NAALADL2: variants seen among roughly 807,000 people sequenced by gnomAD.
The protein encoded by NAALADL2 is inactive N-acetylated-alpha-linked acidic dipeptidase-like protein 2.
A neutral mutation model predicts 87.2 loss-of-function variants in NAALADL2; 76 were observed. The observed-to-expected ratio is 0.87, with a 90% CI of 0.72 to 1.05. The LOEUF is 1.05. Among genes scored for constraint, NAALADL2 ranks in the 50% least tolerant of loss-of-function variants. The probability of loss-of-function intolerance (pLI) is 0.00; values close to 1 mark genes in which losing one functional copy is unlikely to be tolerated. For synonymous variants in NAALADL2, 354 were observed against 331.0 expected (o/e 1.07, Z -0.75); for missense variants, 1,089 against 945.8 (o/e 1.15, Z -1.99).
At chr3:175,336,459 GC>G (rs1761978866) in intron 5 of NAALADL2, among the ~76,000 whole-genome samples, 1 of 152,164 alleles carries the variant, frequency 6.6e-6, no homozygotes, top group South Asian at 2.1e-4. Context: ...CCAGTTTTAT[GC>G]CCCAACATAG....
chr3:174,829,774 C>T (rs1450332192), intron 3 of NAALADL2, among the ~76,000 whole-genome samples: 1 of 139,988 alleles, frequency 7.1e-6, no homozygotes, highest in African/African-American at 2.7e-5. Flanking sequence ...CTCTCCAGCA[C>T]CTGTTGTTTC....
intron 9 of NAALADL2, among the ~76,000 whole-genome samples, chr3:175,553,710 C>T (rs1345110036): frequency 6.6e-6 from 1 of 150,446 alleles, no homozygotes; most frequent in Non-Finnish European, 1.5e-5. Flanking sequence ...AGTATTATAG[C>T]CACCAAATTA....
intron 3 of NAALADL2, among the ~76,000 whole-genome samples, chr3:174,781,622 A>G (rs2109150449): frequency 6.6e-6 from 1 of 152,160 alleles, no homozygotes; most frequent in Non-Finnish European, 1.5e-5. Flanking sequence ...ATGGATAGTG[A>G]TAGAGAGGGA....
intron 2 of NAALADL2, among the ~76,000 whole-genome samples, chr3:175,104,042 GGTTT>G (rs1176797891): frequency 6.6e-6 from 1 of 152,020 alleles, no homozygotes; most frequent in Non-Finnish European, 1.5e-5. Context: ...TCAGACATTA[GGTTT>G]GTTTACTTGT....
At chr3:175,693,613 G>A (rs941784911) in intron 11 of NAALADL2, among the ~76,000 whole-genome samples, 2 of 152,034 alleles carry the variant, frequency 1.3e-5, no homozygotes, top group Non-Finnish European at 2.9e-5. Context: ...TCTTATCATA[G>A]GTAGCTCCAT....
intron 2 of NAALADL2, among the ~76,000 whole-genome samples, chr3:175,186,459 A>G (rs540625706): frequency 5.3e-5 from 8 of 152,130 alleles, no homozygotes; most frequent in Non-Finnish European, 8.8e-5. Context: ...TAAAACATCT[A>G]ATTTTAAAAC....
chr3:175,390,910 AC>A (rs1346077518), intron 5 of NAALADL2, among the ~76,000 whole-genome samples: 2 of 152,104 alleles, frequency 1.3e-5, no homozygotes, highest in African/African-American at 4.8e-5. Context: ...ACTAAGTAGC[AC>A]CTTTATCAGC....
intron 13 of NAALADL2, among the ~76,000 whole-genome samples, chr3:175,788,885 T>A (rs919595176): frequency 6.6e-6 from 1 of 152,178 alleles, no homozygotes; most frequent in Non-Finnish European, 1.5e-5. Flanking sequence ...AAATTTTTAT[T>A]AGCATATCAT....
At chr3:174,989,138 C>T (rs1377851501) in intron 1 of NAALADL2, among the ~76,000 whole-genome samples, 1 of 152,158 alleles carries the variant, frequency 6.6e-6, no homozygotes, top group Non-Finnish European at 1.5e-5. Flanking sequence ...TCACTCATGA[C>T]CGTGAGGACA....
chr3:175,558,243 T>A (rs1715666858), intron 9 of NAALADL2, among the ~76,000 whole-genome samples: 1 of 149,194 alleles, frequency 6.7e-6, no homozygotes, highest in Non-Finnish European at 1.5e-5. Flanking sequence ...AAATGTCTAA[T>A]CAGGTCTTTT....
chr3:175,704,323 A>G (rs1311582352), intron 11 of NAALADL2, among the ~76,000 whole-genome samples: 13 of 152,190 alleles, frequency 8.5e-5, no homozygotes, highest in Non-Finnish European at 1.8e-4. Context: ...CCTGGAATAT[A>G]TAATCTGTAA....
rs1737308800 is a variant in NAALADL2, at chr3:175,186,188, G to A, written c.546-47743G>A. 4.6e-5 allele frequency among the ~76,000 whole-genome samples: 7 copies of A among 152,104 alleles called. No homozygotes were observed. In the South Asian group the frequency reaches 1.5e-3, roughly 32 times the overall value. On this transcript the variant is annotated intron_variant, in intron 2 of 13. Transcript: ENST00000454872. ...AGAGATGAACTCAGGGAACTAAAAG[G>A]AAGAAAATTGCCTTATTTGTAGTGT...
intron 2 of NAALADL2, among the ~76,000 whole-genome samples, chr3:175,134,217 C>A (rs1200554472): frequency 6.6e-6 from 1 of 152,174 alleles, no homozygotes; most frequent in Non-Finnish European, 1.5e-5. Context: ...TGTGAGATAT[C>A]AGTAAAGAAA....
chr3:174,897,884 C>T lies in NAALADL2; in HGVS notation c.43+38434C>T, dbSNP rs541547684. Among the ~76,000 whole-genome samples, 5 of 137,658 alleles carry T rather than the reference C, an allele frequency of 3.6e-5. No individual in the cohort carries two copies. The East Asian group carries it at 7.8e-4, about 22-fold the overall frequency. 90.3% of individuals were successfully genotyped at this position (137,658 alleles called of 152,430 possible). ...ATCCCAGCACTTTGGGAGGCCGAGG[C>T]GGGCGGATCACGAGGTCAGGAGATC... On this transcript the variant is annotated intron_variant, in intron 1 of 13. Transcript: ENST00000454872.
In NAALADL2 at chr3:175,805,172, C is replaced by T. The variant is rs765744856; in HGVS notation, c.*1969C>T. On this transcript the variant is annotated 3_prime_UTR_variant, in exon 14 of 14. Transcript: ENST00000454872. ...TCCAGTTATTCACTTACAGATGAAA[C>T]TAAAACAAATAAAGGCAAGCTATTA... 1.3e-5 allele frequency: 2 copies of T among 151,794 alleles called. No homozygotes were observed. Among genetic ancestry groups the T allele is most frequent in the Non-Finnish European group, 2.9e-5 (2 of 67,842 alleles). 9.4% of individuals were successfully genotyped at this position (151,794 alleles called of 1,614,324 possible).
rs1750003190 is a variant in NAALADL2, at chr3:175,256,674, AGT to A, written c.939+147_939+148del. The A allele has an allele frequency of 1.8e-5, 11 of 621,974 alleles. No individual in the cohort carries two copies. The Admixed American group carries it at 3.3e-4, about 19-fold the overall frequency. 38.5% of individuals were successfully genotyped at this position (621,974 alleles called of 1,614,324 possible). A position where few individuals can be genotyped will look rare whatever the true frequency, so the allele number is the denominator to read the frequency against. ...GGGAGAGGAAGAAAGAGAGGCAGAG[AGT>A]GTCACAGAAAGATGGCTTTTCCACA... On this transcript the variant is annotated intron_variant, in intron 4 of 13. Coordinates refer to ENST00000454872, the MANE Select transcript of NAALADL2 (RefSeq NM_207015.3).
At chr3:175,541,994 A>C in intron 9 of NAALADL2, among the ~76,000 whole-genome samples, 1 of 152,134 alleles carries the variant, frequency 6.6e-6, no homozygotes, top group East Asian at 1.9e-4. Context: ...GTTAATTGTA[A>C]GTGTGAGCCA....
intron 10 of NAALADL2, among the ~76,000 whole-genome samples, chr3:175,598,640 A>G (rs1722560648): frequency 6.6e-6 from 1 of 152,116 alleles, no homozygotes; most frequent in African/African-American, 2.4e-5. Flanking sequence ...TTTCCCCGCT[A>G]TCTCATAGGT....
Position 175,329,582 on chromosome 3 carries a change from A to G in NAALADL2, c.1090+5257A>G, listed in dbSNP as rs373973061. On this transcript the variant is annotated intron_variant, in intron 5 of 13. Coordinates refer to ENST00000454872, the MANE Select transcript of NAALADL2 (RefSeq NM_207015.3). ...AAATATAAATATGTGCCTAGTTGTC[A>G]AAGCAAAATGTTAGATATTCACAGT... Among the ~76,000 whole-genome samples, 218 of 152,314 alleles carry G rather than the reference A, an allele frequency of 1.4e-3. 1 individual carries two copies. Among genetic ancestry groups the G allele is most frequent in the African/African-American group, 5.1e-3 (214 of 41,580 alleles).
Sources: allele counts gnomAD v4.1 joint callset (sites outside exome capture counted in the v4.1 genomes callset), GRCh38; gene constraint gnomAD v4.1.1; transcripts MANE v1.5; gene names NCBI Gene and HGNC (gene_info 2026-07-23, HGNC 2026-07-21).